POLM: variants seen among roughly 807,000 people sequenced by gnomAD.
POLM encodes the protein DNA polymerase mu, also known as DNA-directed DNA/RNA polymerase mu.
In POLM, 52 loss-of-function variants were observed where a neutral mutation model predicts 56.7. The observed-to-expected ratio is 0.92, with a 90% CI of 0.73 to 1.15. POLM has a LOEUF of 1.15. POLM is among the 50% of genes most tolerant of loss of function. The pLI is 0.00. For synonymous variants in POLM, 273 were observed against 274.3 expected (o/e 1.00, Z 0.05); for missense variants, 660 against 663.6 (o/e 0.99, Z 0.06).
Position 44,072,978 on chromosome 7 carries a change from C to T in POLM, c.*313G>A. 3 of 812,612 alleles carry T rather than the reference C, an allele frequency of 3.7e-6. No individual in the cohort carries two copies. The highest frequency in any genetic ancestry group is 5.5e-6 in the Non-Finnish European group (3 of 543,154). 50.3% of individuals were successfully genotyped at this position (812,612 alleles called of 1,614,324 possible). On this transcript the variant is annotated 3_prime_UTR_variant, in exon 11 of 11. Transcript: ENST00000242248. ...TTGCCATTCATGACTGCAGGCCCCA[C>T]CACAGCTCCACGATGTGGGCCCCAC...
intron 7 of POLM, 42 bp downstream of exon 7, chr7:44,074,356 G>A (rs758697974): frequency 2.6e-6 from 4 of 1,550,208 alleles, no homozygotes; most frequent in Middle Eastern, 3.5e-4. Flanking sequence ...CACTGGGGAG[G>A]GGTCTGAAGC....
chr7:44,080,219 A>C (rs1036660581), intron 2 of POLM: 1 of 557,674 alleles, frequency 1.8e-6, no homozygotes, highest in Admixed American at 2.8e-5. Context: ...GCTGCTGCAC[A>C]TGATGCATGT....
At position 44,082,297 on chromosome 7, in the gene POLM, T is replaced by C; in HGVS notation, c.142A>G (p.Thr48Ala). ...AAGCCTTTGGAGCGCGCCAGGCCTG[T>C]GAGGAAGGCCCGGCGGCTGCGACCC... is the stretch of plus-strand genomic sequence containing the variant. ...RMGRSRRAFLTGLARSKGFRV... is the reference protein window; with the variant it reads ...RMGRSRRAFLAGLARSKGFRV... The change falls in exon 1 of 11, where the codon ACA (threonine) becomes GCA (alanine). Residue 48 changes from threonine to alanine, a missense_variant. Physicochemically the swap from Thr to Ala is moderately conservative, Grantham distance 58. Transcript: ENST00000242248. 1.3e-6 allele frequency: 2 copies of C among 1,552,220 alleles called. No homozygotes were observed. The highest frequency in any genetic ancestry group is 1.7e-6 in the Non-Finnish European group (2 of 1,156,456).
In POLM at chr7:44,080,015, AGGCCGTACTCAGGCTTTGTTTCTCCTGG is replaced by A. The variant is rs1055927052; in HGVS notation, c.373-84_373-57del. The A allele has an allele frequency of 3.1e-6, 4 of 1,292,094 alleles. No homozygotes were observed. The African/African-American group carries it at 5.8e-5, about 19-fold the overall frequency. 80.0% of individuals were successfully genotyped at this position (1,292,094 alleles called of 1,614,324 possible). A position where few individuals can be genotyped will look rare whatever the true frequency, so the allele number is the denominator to read the frequency against. ...AGGCTGCAGGGCTGGCAGGAGAGCC[AGGCCGTACTCAGGCTTTGTTTCTCCTGG>A]GGTGTCCAACTCGGGCCCTCTGGAG... On this transcript the variant is annotated intron_variant, in intron 2 of 10. Transcript: ENST00000242248.
chr7:44,072,709 C>T lies in POLM; in HGVS notation c.*582G>A, dbSNP rs1248547752. ...GAGCCTGGCTCGGGGCGCTGCAGTA[C>T]TGAAGCCCCATAGTTGAAAATTATC... On this transcript the variant is annotated 3_prime_UTR_variant, in exon 11 of 11. Coordinates refer to ENST00000242248, the MANE Select transcript of POLM (RefSeq NM_013284.4). The T allele has an allele frequency of 5.2e-6, 1 of 192,092 alleles. No homozygotes were observed. The highest frequency in any genetic ancestry group is 1.2e-4 in the East Asian group (1 of 8,136). 11.9% of individuals were successfully genotyped at this position (192,092 alleles called of 1,614,324 possible). A position where few individuals can be genotyped will look rare whatever the true frequency, so the allele number is the denominator to read the frequency against.
Position 44,073,962 on chromosome 7 carries a change from G to C in POLM, c.1135C>G (p.Gln379Glu). 1.9e-6 allele frequency: 3 copies of C among 1,614,232 alleles called. No individual in the cohort carries two copies. In the African/African-American group the frequency reaches 4.0e-5, roughly 22 times the overall value. The change falls in exon 9 of 11, where the codon CAG becomes GAG. Residue 379 changes from glutamine to glutamate, a missense_variant. Coordinates refer to ENST00000242248, the MANE Select transcript of POLM (RefSeq NM_013284.4). ...CCESPTRLAQ[Q>E]SHMDAFERSF... The stretch of plus-strand genomic sequence containing the variant: ...CTCTCAAAAGCGTCCATGTGGCTCT[G>C]TTGGGCCAGGCGGGTAGGGGACTCA...
chr7:44,074,119 G>A lies in POLM; in HGVS notation c.1071+12C>T, dbSNP rs750900899. The A allele has an allele frequency of 6.2e-7, 1 of 1,605,422 alleles. No individual in the cohort carries two copies. On this transcript the variant is annotated intron_variant, in intron 8 of 10. Transcript: ENST00000242248. ...GCCAGCGGTGGCTCTTGGGGAGCAG[G>A]GAGGCCCTCACCTGGTCCTGCAGGC...
At chr7:44,078,621 T>C in intron 5 of POLM, 119 bp downstream of exon 5, 1 of 863,070 alleles carries the variant, frequency 1.2e-6, no homozygotes, top group Non-Finnish European at 1.9e-6. Context: ...GGCAAGACCT[T>C]CTCTGACCCC....
Position 44,074,389 on chromosome 7 carries a change from C to A in POLM, c.968+9G>T. ...AGCCAAGCCAGAGGGGCACGTCGGG[C>A]CTTCTTACCTGCGGAAGCCGCCGGT... is the stretch of plus-strand genomic sequence containing the variant. On this transcript the variant is annotated intron_variant, in intron 7 of 10. Coordinates refer to ENST00000242248, the MANE Select transcript of POLM (RefSeq NM_013284.4). 1.3e-6 allele frequency: 2 copies of A among 1,553,558 alleles called. No individual in the cohort carries two copies. The highest frequency in any genetic ancestry group is 1.7e-6 in the Non-Finnish European group (2 of 1,148,210).
chr7:44,080,763 A>T lies in POLM; in HGVS notation c.342T>A (p.Pro114=). 6.2e-7 allele frequency: 1 copy of T among 1,614,070 alleles called. No homozygotes were observed. The highest frequency in any genetic ancestry group is 8.5e-7 in the Non-Finnish European group (1 of 1,180,016). Residue 114 remains proline (P), a synonymous_variant, in exon 2 of 11, where the codon CCT becomes CCA. Transcript: ENST00000242248. The stretch of plus-strand genomic sequence containing the variant: ...GGCGGTGCCGGCACTCCACAGGTAC[A>T]GGCTGCCCAGCTCCCAGGCTCTCTG... The part of the protein sequence containing the change: ...WLTESLGAGQ[P]VPVECRHRLE...
At chr7:44,082,146 T>G in intron 1 of POLM, 105 bp downstream of exon 1, 1 of 960,956 alleles carries the variant, frequency 1.0e-6, no homozygotes, top group Non-Finnish European at 1.4e-6. Flanking sequence ...GAAGAGGAGA[T>G]GGAGGCTCAG....
At chr7:44,075,421 C>T (rs1161966008) in intron 6 of POLM, among the ~76,000 whole-genome samples, 8 of 152,220 alleles carry the variant, frequency 5.3e-5, no homozygotes, top group Non-Finnish European at 1.2e-4. Flanking sequence ...CGCTGCTAAC[C>T]ATTCCTGACT....
In POLM at chr7:44,082,413, C is replaced by T; in HGVS notation, c.26G>A (p.Arg9Gln). The change falls in exon 1 of 11, where the codon CGG (arginine) becomes CAG (glutamine). Residue 9 changes from arginine (R) to glutamine (Q), a missense_variant. Physicochemically the swap from Arg to Gln is conservative, Grantham distance 43. Transcript: ENST00000242248. Reference protein sequence around the residue: MLPKRRRARVGSPSGDAAS... With the variant: MLPKRRRAQVGSPSGDAAS... ...GGCATCGCCGCTAGGGGACCCGACC[C>T]GCGCTCGCCGCCGTTTGGGGAGCAT... is the stretch of plus-strand genomic sequence containing the variant. 1 of 1,466,986 alleles carries T rather than the reference C, an allele frequency of 6.8e-7. No individual in the cohort carries two copies. Among genetic ancestry groups the T allele is most frequent in the East Asian group, 2.8e-5 (1 of 35,418 alleles). 90.9% of individuals were successfully genotyped at this position (1,466,986 alleles called of 1,614,324 possible). A position where few individuals can be genotyped will look rare whatever the true frequency, so the allele number is the denominator to read the frequency against.
intron 2 of POLM, chr7:44,080,525 G>A: frequency 1.4e-6 from 1 of 701,040 alleles, no homozygotes; most frequent in South Asian, 1.5e-5. Flanking sequence ...GGTGAGAACA[G>A]AAGCTGAGAT....
chr7:44,082,028 AGC>A (rs1257015134), intron 1 of POLM, among the ~76,000 whole-genome samples: 1 of 152,140 alleles, frequency 6.6e-6, no homozygotes, highest in Non-Finnish European at 1.5e-5. Flanking sequence ...TACAGGCGTG[AGC>A]CACCGCGCCC....
Position 44,073,839 on chromosome 7 carries a change from C to A in POLM, c.1258G>T (p.Val420Leu). The A allele has an allele frequency of 6.2e-7, 1 of 1,614,260 alleles. No individual in the cohort carries two copies. Among genetic ancestry groups the A allele is most frequent in the African/African-American group, 1.3e-5 (1 of 75,076 alleles). The change falls in exon 9 of 11, where the codon GTA becomes TTA. Residue 420 changes from valine to leucine, a missense_variant. Transcript: ENST00000242248. Reference sequence around the variant, plus strand: ...GGGAACTGGCTGACGGGTGCAACTACCAAGTCCACTCTCACGGCCTTCCAG... The same window carrying A: ...GGGAACTGGCTGACGGGTGCAACTAACAAGTCCACTCTCACGGCCTTCCAG... ...PSWKAVRVDL[V>L]VAPVSQFPFA... is the part of the protein sequence containing the mutation.
At chr7:44,076,755 C>A (rs1006352819) in intron 5 of POLM, 126 bp from the exon 6 acceptor site, 29 of 1,217,280 alleles carry the variant, frequency 2.4e-5, no homozygotes, top group Non-Finnish European at 3.3e-5. Flanking sequence ...CCACTCGCAA[C>A]CTGCCGTAGA....
intron 2 of POLM, chr7:44,080,254 C>G: frequency 1.9e-6 from 1 of 527,698 alleles, no homozygotes; most frequent in East Asian, 3.9e-5. Flanking sequence ...ATCCTCACAA[C>G]CAAGCGGGCT....
At chr7:44,076,665 T>C (rs1250803081) in intron 5 of POLM, 36 bp from the exon 6 acceptor site, 1 of 1,610,456 alleles carries the variant, frequency 6.2e-7, no homozygotes, top group East Asian at 2.2e-5. Flanking sequence ...TGGGCAGAGC[T>C]CTCATGGCTA....
Sources: allele counts gnomAD v4.1 joint callset (sites outside exome capture counted in the v4.1 genomes callset), GRCh38; gene constraint gnomAD v4.1.1; transcripts MANE v1.5; gene names NCBI Gene and HGNC (gene_info 2026-07-23, HGNC 2026-07-21).